BCL2L13: variants seen among roughly 807,000 people sequenced by gnomAD.
The protein encoded by BCL2L13 is bcl-2-like protein 13.
BCL2L13 carries 13 observed loss-of-function variants against 25.8 expected under a neutral mutation model. The ratio of observed to expected loss-of-function variants is 0.50; its 90% CI spans 0.33 to 0.80. BCL2L13 has a LOEUF of 0.80. BCL2L13 is among the 30% of genes least tolerant of loss of function. The pLI, the probability that BCL2L13 is intolerant of heterozygous loss-of-function variation, is 0.02. For missense variants in BCL2L13, 504 were observed against 574.9 expected, an observed-to-expected ratio of 0.88 and a Z score of 1.26; for synonymous variants, 244 against 230.3, an observed-to-expected ratio of 1.06 and a Z score of -0.54.
intron 4 of BCL2L13, among the ~76,000 whole-genome samples, chr22:17,694,704 A>G (rs991629245): frequency 3.9e-5 from 6 of 152,168 alleles, no homozygotes; most frequent in African/African-American, 1.2e-4. Flanking sequence ...TACATGTGAC[A>G]TCGAGACATT....
intron 6 of BCL2L13, among the ~76,000 whole-genome samples, chr22:17,715,066 C>G (rs1057098307): frequency 7.0e-6 from 1 of 141,966 alleles, no homozygotes; most frequent in Non-Finnish European, 1.5e-5. Flanking sequence ...GGAAAAGACC[C>G]CAGGTCCAAG....
chr22:17,695,882 G>A, intron 4 of BCL2L13: 1 of 321,932 alleles, frequency 3.1e-6, no homozygotes, highest in East Asian at 4.9e-5. Flanking sequence ...TAAGTTCCAA[G>A]CAGTTACAAA....
chr22:17,719,361 A>G (rs890449545), intron 6 of BCL2L13, among the ~76,000 whole-genome samples: 1 of 152,070 alleles, frequency 6.6e-6, no homozygotes, highest in Non-Finnish European at 1.5e-5. Flanking sequence ...ATATTTTTCT[A>G]AATTTTTTGG....
chr22:17,635,866 T>C (rs987121748), upstream of BCL2L13, among the ~76,000 whole-genome samples: 11 of 78,100 alleles, frequency 1.4e-4, no homozygotes, highest in Middle Eastern at 6.3e-3. Context: ...CGCGCCACCA[T>C]GCCCAGCTAA....
At chr22:17,638,172 A>G (rs1302482664), upstream of BCL2L13, 1 of 152,648 alleles carries the variant, frequency 6.6e-6, no homozygotes, top group Non-Finnish European at 1.5e-5. Flanking sequence ...CAAGTTAAGT[A>G]TGTTCCAGGC....
At chr22:17,647,440 T>C (rs907969777) in intron 1 of BCL2L13, among the ~76,000 whole-genome samples, 3 of 152,102 alleles carry the variant, frequency 2.0e-5, no homozygotes, top group South Asian at 2.1e-4. Flanking sequence ...AGCTTTTTTT[T>C]CCCCCCGTCC....
intron 1 of BCL2L13, chr22:17,629,011 T>C: frequency 3.9e-6 from 1 of 258,826 alleles, no homozygotes; most frequent in East Asian, 8.0e-5. Flanking sequence ...GTTAGGTATA[T>C]TGGAGAATGT....
At chr22:17,725,222 T>G (rs2061263197) in intron 6 of BCL2L13, among the ~76,000 whole-genome samples, 1 of 152,260 alleles carries the variant, frequency 6.6e-6, no homozygotes, top group Non-Finnish European at 1.5e-5. Flanking sequence ...CTCAGAGATG[T>G]CAGTGACAAA....
chr22:17,630,621 C>T (rs111945538), intron 1 of BCL2L13, among the ~76,000 whole-genome samples: 17,244 of 137,616 alleles, frequency 0.13, 1,142 homozygotes, highest in Middle Eastern at 0.28. Context: ...GATGGAGTCT[C>T]GCTCTGTTGC....
upstream of BCL2L13, chr22:17,638,549 C>T (rs1007889817): frequency 6.2e-6 from 4 of 643,330 alleles, no homozygotes; most frequent in East Asian, 1.4e-4. Context: ...CCCTCGACTC[C>T]GGAAATGATC....
In BCL2L13 at chr22:17,715,146, A is replaced by T. The variant is rs1569007570; in HGVS notation, c.601-11531A>T. On this transcript the variant is annotated intron_variant, in intron 6 of 6. Coordinates refer to ENST00000317582, the MANE Select transcript of BCL2L13 (RefSeq NM_015367.4). The stretch of plus-strand genomic sequence containing the variant: ...TTTATATATATATATATATATATAT[A>T]TATATATATATATATATATATATAT... Among the ~76,000 whole-genome samples, 13 of 8,146 alleles carry T rather than the reference A, an allele frequency of 1.6e-3. 1 individual carries two copies. Among genetic ancestry groups the T allele is most frequent in the East Asian group, 0.011 (2 of 184 alleles). 5.3% of individuals were successfully genotyped at this position (8,146 alleles called of 152,430 possible).
chr22:17,697,846 T>A (rs62240494), intron 5 of BCL2L13, among the ~76,000 whole-genome samples: 7,069 of 151,480 alleles, frequency 0.047, 214 homozygotes, highest in African/African-American at 0.075. Flanking sequence ...TTATTTATTT[T>A]GAGACAGAGT....
chr22:17,709,122 G>C (rs2060670752), intron 6 of BCL2L13, among the ~76,000 whole-genome samples: 1 of 152,064 alleles, frequency 6.6e-6, no homozygotes, highest in African/African-American at 2.4e-5. Flanking sequence ...TGTAGTCCCA[G>C]CTACTCGGGA....
At chr22:17,696,479 C>T (rs796923495) in intron 5 of BCL2L13, among the ~76,000 whole-genome samples, 1 of 152,148 alleles carries the variant, frequency 6.6e-6, no homozygotes, top group African/African-American at 2.4e-5. Context: ...TTAGACATAA[C>T]ATTTATCTCC....
chr22:17,725,582 T>G (rs1459977820), intron 6 of BCL2L13, among the ~76,000 whole-genome samples: 2 of 152,196 alleles, frequency 1.3e-5, no homozygotes, highest in Non-Finnish European at 2.9e-5. Flanking sequence ...CCATATGAAC[T>G]CTTAATGGCA....
intron 6 of BCL2L13, among the ~76,000 whole-genome samples, chr22:17,719,531 G>A (rs928361427): frequency 5.9e-5 from 9 of 152,076 alleles, no homozygotes; most frequent in African/African-American, 1.7e-4. Flanking sequence ...TAATTAATAA[G>A]TAAAATGTCG....
chr22:17,717,056 A>T (rs540841351), intron 6 of BCL2L13, among the ~76,000 whole-genome samples: 6 of 152,184 alleles, frequency 3.9e-5, no homozygotes, highest in Non-Finnish European at 7.3e-5. Flanking sequence ...CATACAGAAG[A>T]GCCAGTAGTC....
intron 1 of BCL2L13, among the ~76,000 whole-genome samples, chr22:17,646,955 A>ATATATTTTTTT (rs768488873): frequency 4.5e-4 from 10 of 22,190 alleles, no homozygotes; most frequent in African/African-American, 5.8e-4. Flanking sequence ...ATATATATAT[A>ATATATTTTTTT]TTTTTTTTTT....
upstream of BCL2L13, among the ~76,000 whole-genome samples, chr22:17,633,654 G>A (rs2058063671): frequency 6.6e-6 from 1 of 152,080 alleles, no homozygotes; most frequent in Non-Finnish European, 1.5e-5. Flanking sequence ...AGGACAAAGC[G>A]CGAAAGACTA....
Sources: gnomAD v4.1 joint callset for allele counts (sites outside exome capture counted in the v4.1 genomes callset) on GRCh38, gnomAD v4.1.1 for gene constraint, MANE v1.5 for transcripts, NCBI Gene and HGNC (gene_info 2026-07-23, HGNC 2026-07-21) for gene names.